The following GSPT1 variants were observed in gnomAD, a reference collection of about 807,000 sequenced individuals.
GSPT1 encodes G1 to S phase transition 1.
In GSPT1, 20 loss-of-function variants were observed where a neutral mutation model predicts 72.5. The ratio of observed to expected loss-of-function variants is 0.28; its 90% CI spans 0.19 to 0.40. GSPT1 has a LOEUF of 0.40. Ranked by LOEUF, GSPT1 falls within the 10% of genes least tolerant of loss-of-function variation. GSPT1 has a pLI of 1.00. For synonymous variants in GSPT1, 334 were observed against 293.5 expected, an observed-to-expected ratio of 1.14 and a Z score of -1.41; for missense variants, 580 against 811.9, an observed-to-expected ratio of 0.71 and a Z score of 3.47.
At chr16:11,910,043 G>A (rs2054538726) in intron 1 of GSPT1, among the ~76,000 whole-genome samples, 1 of 152,182 alleles carries the variant, frequency 6.6e-6, no homozygotes, top group Non-Finnish European at 1.5e-5. Flanking sequence ...GTTACGATGA[G>A]CTATAATCAC....
chr16:11,892,123 C>G (rs944465403), intron 5 of GSPT1, among the ~76,000 whole-genome samples: 15 of 141,542 alleles, frequency 1.1e-4, no homozygotes, highest in African/African-American at 3.7e-4. Flanking sequence ...GTGGGAGGAT[C>G]CCTTGAGGCC....
chr16:11,902,567 A>C (rs529495310), intron 1 of GSPT1, among the ~76,000 whole-genome samples: 4 of 151,186 alleles, frequency 2.6e-5, no homozygotes, highest in Admixed American at 1.3e-4. Flanking sequence ...CCTGTGATAC[A>C]CATGATAAAC....
intron 14 of GSPT1, among the ~76,000 whole-genome samples, 169 bp downstream of exon 14, chr16:11,875,592 G>A (rs1002397066): frequency 3.3e-5 from 5 of 152,074 alleles, no homozygotes; most frequent in African/African-American, 4.8e-5. Context: ...ACTAAAGCAC[G>A]TGGTCAATTC....
At chr16:11,900,494 C>A (rs1045357132) in intron 1 of GSPT1, among the ~76,000 whole-genome samples, 1 of 151,886 alleles carries the variant, frequency 6.6e-6, no homozygotes, top group African/African-American at 2.4e-5. Flanking sequence ...CCCTAAGTGC[C>A]GACTGCTAGC....
intron 1 of GSPT1, among the ~76,000 whole-genome samples, chr16:11,911,476 C>T (rs1270212148): frequency 6.6e-6 from 1 of 152,046 alleles, no homozygotes; most frequent in Non-Finnish European, 1.5e-5. Flanking sequence ...GCCTCCAGCT[C>T]CTGGGCTCAA....
Position 11,887,630 on chromosome 16 carries a change from G to A in GSPT1, c.897C>T (p.Gly299=), listed in dbSNP as rs3752426. Residue 299 remains glycine (G), a synonymous_variant, in exon 7 of 15, where the codon GGC becomes GGT. Coordinates refer to ENST00000434724, the MANE Select transcript of GSPT1 (RefSeq NM_002094.4). Reference sequence around the variant, plus strand: ...TCATATTTGGGACAAAACTCTTGTGGCCAGGGGCATCTAGAATTGTGAAAT... The same window carrying A: ...TCATATTTGGGACAAAACTCTTGTGACCAGGGGCATCTAGAATTGTGAAAT... ...KKHFTILDAP[G]HKSFVPNMIG... 474,914 of 1,611,492 alleles carry A rather than the reference G, an allele frequency of 0.29. 77,905 individuals are homozygous for A. The highest frequency in any genetic ancestry group is 0.34 in the Non-Finnish European group (404,360 of 1,177,704).
rs1199960220 is a variant in GSPT1 at position 11,915,903 on chromosome 16, G to A, written c.-183C>T. The A allele has an allele frequency of 6.9e-6, 6 of 872,774 alleles. No homozygotes were observed. Among genetic ancestry groups the A allele is most frequent in the South Asian group, 2.6e-5 (2 of 75,980 alleles). 54.1% of individuals were successfully genotyped at this position (872,774 alleles called of 1,614,324 possible). ...CCAGTCCCGACTCCACACTCGCGAC[G>A]ACGACAGAGGCGGCGGCGGCGGCAG... On this transcript the variant is annotated 5_prime_UTR_variant, in exon 1 of 15. Coordinates refer to ENST00000434724, the MANE Select transcript of GSPT1 (RefSeq NM_002094.4).
chr16:11,891,108 G>C lies in GSPT1; in HGVS notation c.730C>G (p.Leu244Val). 1 of 1,503,388 alleles carries C rather than the reference G, an allele frequency of 6.7e-7. No individual in the cohort carries two copies. Among genetic ancestry groups the C allele is most frequent in the Non-Finnish European group, 9.0e-7 (1 of 1,114,078 alleles). The allele number at this position is 1,503,388 out of a possible 1,614,324, so 93.1% of individuals were successfully genotyped here. Residue 244 changes from leucine (L) to valine (V), a missense_variant, in exon 6 of 15, where the codon CTT becomes GTT. By Grantham distance (32) the Leu-to-Val change is conservative. This residue lies in a region of GSPT1 where 51 missense variants were observed against 118.2 expected (regional missense o/e 0.43). Transcript: ENST00000434724. ...YLTGMVDKRT[L>V]EKYEREAKEK... is the part of the protein sequence containing the mutation. ...TTAGCTTCTCTTTCATACTTTTCAA[G>C]CGTCCTTTTGTCAACCATTCCAGTC...
In GSPT1 at chr16:11,868,806, A is replaced by G. The variant is rs1301319084; in HGVS notation, c.*4313T>C. On this transcript the variant is annotated 3_prime_UTR_variant, in exon 15 of 15. Coordinates refer to ENST00000434724, the MANE Select transcript of GSPT1 (RefSeq NM_002094.4). The stretch of plus-strand genomic sequence containing the variant: ...TAAAGGGCACAGTGGCAAATGTGAC[A>G]AGGCAGAAAACAATAACCATTTCAA... 6.6e-6 allele frequency: 1 copy of G among 152,226 alleles called. No individual in the cohort carries two copies. Among genetic ancestry groups the G allele is most frequent in the East Asian group, 1.9e-4 (1 of 5,196 alleles). The allele number at this position is 152,226 out of a possible 1,614,324, so 9.4% of individuals were successfully genotyped here. A position where few individuals can be genotyped will look rare whatever the true frequency, so the allele number is the denominator to read the frequency against.
intron 1 of GSPT1, among the ~76,000 whole-genome samples, chr16:11,908,012 T>A (rs1649335469): frequency 6.6e-6 from 1 of 151,680 alleles, no homozygotes; most frequent in Non-Finnish European, 1.5e-5. Flanking sequence ...GAGGCTGAAG[T>A]GGGCAGATCA....
intron 1 of GSPT1, among the ~76,000 whole-genome samples, chr16:11,903,198 T>A (rs1399105398): frequency 6.6e-6 from 1 of 152,132 alleles, no homozygotes; most frequent in Non-Finnish European, 1.5e-5. Context: ...TGCTTCACCA[T>A]AATCAAATTT....
intron 1 of GSPT1, among the ~76,000 whole-genome samples, chr16:11,911,229 C>T (rs1470288380): frequency 6.6e-6 from 1 of 152,178 alleles, no homozygotes; most frequent in African/African-American, 2.4e-5. Context: ...GATTAAACAA[C>T]CATTACTTTG....
intron 11 of GSPT1, among the ~76,000 whole-genome samples, chr16:11,878,371 C>A (rs559584225): frequency 1.3e-4 from 20 of 152,226 alleles, no homozygotes; most frequent in Non-Finnish European, 2.8e-4. Context: ...CCCACCTTGG[C>A]CTCCCAAAGT....
rs1462062346 is a variant in GSPT1 at position 11,891,145 on chromosome 16, A to C, written c.699-6T>G. 5 of 1,413,940 alleles carry C rather than the reference A, an allele frequency of 3.5e-6. No individual in the cohort carries two copies. In the East Asian group the frequency reaches 1.2e-4, roughly 35 times the overall value. The allele number at this position is 1,413,940 out of a possible 1,614,324, so 87.6% of individuals were successfully genotyped here. On this transcript the variant is annotated splice_polypyrimidine_tract_variant and splice_region_variant and intron_variant, in intron 5 of 14. Transcript: ENST00000434724. ...CAACCATTCCAGTCAAATACCTGAA[A>C]ACATTTAAAGAAAAAAAAAAGTAAA...
chr16:11,913,362 T>C (rs2054584557), intron 1 of GSPT1, among the ~76,000 whole-genome samples: 2 of 152,230 alleles, frequency 1.3e-5, no homozygotes, highest in South Asian at 2.1e-4. Context: ...AAATAGTTTT[T>C]TGATTAAAAA....
chr16:11,883,141 G>A (rs904948961), intron 10 of GSPT1, 46 bp from the exon 11 acceptor site: 2 of 1,177,458 alleles, frequency 1.7e-6, no homozygotes, highest in Middle Eastern at 1.9e-4. Flanking sequence ...TCTTGGTGCT[G>A]TATAACAGCT....
chr16:11,907,439 T>G (rs2054503531), intron 1 of GSPT1, among the ~76,000 whole-genome samples: 1 of 152,204 alleles, frequency 6.6e-6, no homozygotes, highest in Admixed American at 6.5e-5. Context: ...TTGTGAAGAC[T>G]AAATAACTGA....
At chr16:11,912,076 G>GTGGC (rs373159176) in intron 1 of GSPT1, among the ~76,000 whole-genome samples, 73,444 of 141,812 alleles carry the variant, frequency 0.52, 21,049 homozygotes, top group East Asian at 0.82. Flanking sequence ...GCCAGGCGCG[G>GTGGC]TCACACCTGT....
intron 11 of GSPT1, among the ~76,000 whole-genome samples, chr16:11,880,866 C>T (rs1057112210): frequency 5.9e-5 from 9 of 152,258 alleles, no homozygotes; most frequent in African/African-American, 2.2e-4. Context: ...AGGTTGCCAA[C>T]CCCATGAATT....
Sources: allele counts gnomAD v4.1 joint callset (sites outside exome capture counted in the v4.1 genomes callset), GRCh38; gene constraint gnomAD v4.1.1; regional missense constraint gnomAD v4.1.1; transcripts MANE v1.5; gene names NCBI Gene and HGNC (gene_info 2026-07-23, HGNC 2026-07-21).